The following SRGAP1 variants were observed in gnomAD, a reference collection of about 807,000 sequenced individuals.
The protein encoded by SRGAP1 is SLIT-ROBO Rho GTPase-activating protein 1.
Under a neutral mutation model 121.9 loss-of-function variants are expected in SRGAP1, and 43 were observed. The observed-to-expected ratio is 0.35, with a 90% confidence interval of 0.28 to 0.46. The LOEUF (loss-of-function observed/expected upper bound fraction) is 0.46. Among genes scored for constraint, SRGAP1 ranks in the 20% least tolerant of loss-of-function variants. The pLI is 1.00. For synonymous variants in SRGAP1, 447 were observed against 485.4 expected (o/e 0.92, Z 1.04); for missense variants, 1,102 against 1,350.9 (o/e 0.82, Z 2.89).
chr12:64,137,099 A>G (rs529032868), intron 21 of SRGAP1, among the ~76,000 whole-genome samples: 2 of 152,238 alleles, frequency 1.3e-5, no homozygotes, highest in East Asian at 3.9e-4. Context: ...CCCTGTCTCT[A>G]CAAAAAATAA....
intron 6 of SRGAP1, among the ~76,000 whole-genome samples, chr12:64,051,332 T>C (rs1470709518): frequency 6.6e-6 from 1 of 152,180 alleles, no homozygotes; most frequent in Non-Finnish European, 1.5e-5. Context: ...TATAGTTAAG[T>C]CTTCCCTCCT....
At chr12:64,121,432 T>C (rs1424156189) in intron 18 of SRGAP1, among the ~76,000 whole-genome samples, 2 of 152,170 alleles carry the variant, frequency 1.3e-5, no homozygotes, top group African/African-American at 4.8e-5. Flanking sequence ...TTTTTTCTTT[T>C]TCTTTAGAGA....
chr12:63,978,647 A>G (rs1214522819), intron 1 of SRGAP1, among the ~76,000 whole-genome samples: 1 of 151,784 alleles, frequency 6.6e-6, no homozygotes, highest in Non-Finnish European at 1.5e-5. Context: ...ATTATGAGCA[A>G]TGCTGCTATT....
intron 1 of SRGAP1, among the ~76,000 whole-genome samples, chr12:63,910,319 C>T (rs1233537867): frequency 6.6e-6 from 1 of 152,156 alleles, no homozygotes; most frequent in Non-Finnish European, 1.5e-5. Context: ...GAAATTGTTT[C>T]CCCCAATCTC....
Position 64,151,791 on chromosome 12 carries a change from T to A in SRGAP1, c.*9119T>A, listed in dbSNP as rs1320098840. On this transcript the variant is annotated 3_prime_UTR_variant, in exon 22 of 22. Coordinates refer to ENST00000355086, the MANE Select transcript of SRGAP1 (RefSeq NM_020762.4). Reference sequence around the variant, plus strand: ...TCCTAAACTTCAGATGACTCTTTATTGTTTCAGCTAAACATCAGCAAACAG... The same window carrying A: ...TCCTAAACTTCAGATGACTCTTTATAGTTTCAGCTAAACATCAGCAAACAG... The A allele has an allele frequency of 1.3e-5, 2 of 152,204 alleles. No individual in the cohort carries two copies. Among genetic ancestry groups the A allele is most frequent in the Non-Finnish European group, 1.5e-5 (1 of 68,050 alleles). The allele number at this position is 152,204 out of a possible 1,614,324, so 9.4% of individuals were successfully genotyped here. A position where few individuals can be genotyped will look rare whatever the true frequency, so the allele number is the denominator to read the frequency against.
chr12:63,876,749 A>G (rs1016188386), intron 1 of SRGAP1, among the ~76,000 whole-genome samples: 1 of 152,220 alleles, frequency 6.6e-6, no homozygotes, highest in East Asian at 1.9e-4. Context: ...TCAGTCACCA[A>G]CTAGATCATT....
At chr12:64,109,287 C>A (rs901986413) in intron 16 of SRGAP1, among the ~76,000 whole-genome samples, 3 of 151,892 alleles carry the variant, frequency 2.0e-5, no homozygotes, top group Non-Finnish European at 2.9e-5. Context: ...TAAAAAAAAA[C>A]CACAACTTTT....
At chr12:64,081,821 T>C (rs902613948) in intron 10 of SRGAP1, 1 of 151,640 alleles carries the variant, frequency 6.6e-6, no homozygotes, top group Non-Finnish European at 1.5e-5. Context: ...ACAGTCAATG[T>C]GGCAAACATT....
chr12:63,961,949 C>T (rs183885124), intron 1 of SRGAP1, among the ~76,000 whole-genome samples: 44 of 152,214 alleles, frequency 2.9e-4, no homozygotes, highest in African/African-American at 8.2e-4. Context: ...GGACAGACCT[C>T]AATCAAGTAA....
At chr12:63,884,719 C>CTTTT (rs869188491) in intron 1 of SRGAP1, among the ~76,000 whole-genome samples, 10 of 123,856 alleles carry the variant, frequency 8.1e-5, no homozygotes, top group Non-Finnish European at 1.0e-4. Flanking sequence ...CACCACCATT[C>CTTTT]TTTTTTTTTT....
intron 11 of SRGAP1, among the ~76,000 whole-genome samples, chr12:64,088,240 T>G (rs2035983067): frequency 6.6e-6 from 1 of 152,026 alleles, no homozygotes; most frequent in South Asian, 2.1e-4. Flanking sequence ...AACACTGAGG[T>G]TTTTCTTCAC....
intron 17 of SRGAP1, 140 bp downstream of exon 17, chr12:64,112,126 T>G (rs2036439441): frequency 1.5e-6 from 1 of 675,760 alleles, no homozygotes; most frequent in Non-Finnish European, 2.5e-6. Flanking sequence ...TTGAAATAAA[T>G]TTTTAGAATA....
At chr12:64,133,565 C>T (rs1017436063) in intron 21 of SRGAP1, among the ~76,000 whole-genome samples, 1 of 152,206 alleles carries the variant, frequency 6.6e-6, no homozygotes, top group African/African-American at 2.4e-5. Flanking sequence ...TTCCCCATTA[C>T]ACAGTTACCC....
chr12:63,858,869 A>C (rs1899346474), intron 1 of SRGAP1, among the ~76,000 whole-genome samples: 1 of 151,700 alleles, frequency 6.6e-6, no homozygotes, highest in African/African-American at 2.4e-5. Context: ...TGCCCAGCTA[A>C]TTTTTGTATT....
At chr12:63,882,346 A>G (rs1041306983) in intron 1 of SRGAP1, among the ~76,000 whole-genome samples, 2 of 152,076 alleles carry the variant, frequency 1.3e-5, no homozygotes, top group Non-Finnish European at 2.9e-5. Context: ...CAGTGGCGCA[A>G]TCTCGGCTCA....
chr12:63,998,533 C>T (rs2033781743), intron 3 of SRGAP1, among the ~76,000 whole-genome samples: 1 of 152,154 alleles, frequency 6.6e-6, no homozygotes, highest in African/African-American at 2.4e-5. Flanking sequence ...ACACTTTGCT[C>T]TAAGCACCCA....
chr12:64,077,296 G>C (rs2035755263), intron 8 of SRGAP1, among the ~76,000 whole-genome samples: 1 of 151,920 alleles, frequency 6.6e-6, no homozygotes. Context: ...TTTAGTAAAT[G>C]AAGGTGAAAT....
At chr12:64,062,698 G>A (rs1450515384) in intron 6 of SRGAP1, among the ~76,000 whole-genome samples, 1 of 151,960 alleles carries the variant, frequency 6.6e-6, no homozygotes, top group Non-Finnish European at 1.5e-5. Flanking sequence ...TTGTATTTTA[G>A]TAGAGACGGG....
intron 1 of SRGAP1, among the ~76,000 whole-genome samples, chr12:63,908,727 C>T (rs61933094): frequency 0.13 from 19,021 of 152,052 alleles, 1,255 homozygotes; most frequent in Middle Eastern, 0.2. Context: ...CTAGTTACTT[C>T]GTTCTTTTTG....
Sources: gnomAD v4.1 joint callset for allele counts (sites outside exome capture counted in the v4.1 genomes callset) on GRCh38, gnomAD v4.1.1 for gene constraint, MANE v1.5 for transcripts, NCBI Gene and HGNC (gene_info 2026-07-23, HGNC 2026-07-21) for gene names.